Variants in PDE7B observed in about 807,000 individuals in gnomAD.
PDE7B encodes the protein 3',5'-cyclic-AMP phosphodiesterase 7B.
Under a neutral mutation model 56.2 loss-of-function variants are expected in PDE7B, and 29 were observed. The observed-to-expected ratio is 0.52, with a 90% confidence interval of 0.38 to 0.70. The LOEUF is 0.70. Among genes scored for constraint, PDE7B ranks in the 30% least tolerant of loss-of-function variants. The probability of loss-of-function intolerance (pLI) is 0.00; values close to 1 mark genes in which losing one functional copy is unlikely to be tolerated. For missense variants in PDE7B, 490 were observed against 565.0 expected (o/e 0.87, Z 1.35); for synonymous variants, 197 against 196.9 (o/e 1.00, Z 0.00).
At position 136,121,312 on chromosome 6, in the gene PDE7B, C is replaced by A. The variant is rs866019281; in HGVS notation, c.166+12498C>A. 3.3e-5 allele frequency among the ~76,000 whole-genome samples: 5 copies of A among 152,330 alleles called. No individual in the cohort carries two copies. The South Asian group carries it at 1.0e-3, about 32-fold the overall frequency. Reference sequence around the variant, plus strand: ...GTAGAAGCCCAGTATCCCCTTCCCTCTCCTACCTACCATTTTTCGACAATT... The same window carrying A: ...GTAGAAGCCCAGTATCCCCTTCCCTATCCTACCTACCATTTTTCGACAATT... On this transcript the variant is annotated intron_variant, in intron 3 of 12. Coordinates refer to ENST00000308191, the MANE Select transcript of PDE7B (RefSeq NM_018945.4).
chr6:136,176,578 A>G (rs1020736502), intron 9 of PDE7B, among the ~76,000 whole-genome samples: 2 of 152,160 alleles, frequency 1.3e-5, no homozygotes, highest in South Asian at 2.1e-4. Flanking sequence ...ATTATTGTAA[A>G]TAACAATAGA....
chr6:135,879,728 A>G (rs1451126368), intron 1 of PDE7B, among the ~76,000 whole-genome samples: 5 of 152,182 alleles, frequency 3.3e-5, no homozygotes, highest in Non-Finnish European at 5.9e-5. Context: ...TAAGAATGAT[A>G]TGAAGACCAG....
chr6:136,174,989 G>C (rs144171153), intron 9 of PDE7B, among the ~76,000 whole-genome samples: 1 of 152,126 alleles, frequency 6.6e-6, no homozygotes, highest in Non-Finnish European at 1.5e-5. Context: ...AGACAAGGAA[G>C]AAAGAAGGAG....
intron 3 of PDE7B, among the ~76,000 whole-genome samples, chr6:136,122,049 G>A (rs749338367): frequency 2.0e-5 from 3 of 151,792 alleles, no homozygotes; most frequent in South Asian, 2.1e-4. Flanking sequence ...AGGCTGGAGC[G>A]CAGTGGTGTG....
chr6:136,042,009 A>C (rs1776422552), intron 2 of PDE7B, among the ~76,000 whole-genome samples: 1 of 152,226 alleles, frequency 6.6e-6, no homozygotes, highest in Non-Finnish European at 1.5e-5. Flanking sequence ...TAGATGGGGC[A>C]AAATGAGAAC....
In PDE7B at chr6:136,165,907, G is replaced by C. The variant is rs570779647; in HGVS notation, c.712-7890G>C. On this transcript the variant is annotated intron_variant, in intron 8 of 12. Transcript: ENST00000308191. The stretch of plus-strand genomic sequence containing the variant: ...TGAGGTTCTGTGAGTAAGGAAGAAA[G>C]GAAATCAGAAAAATGGGATGAACAA... Among the ~76,000 whole-genome samples the C allele has an allele frequency of 5.3e-3, 809 of 152,236 alleles. 12 individuals are homozygous for C. Among genetic ancestry groups the C allele is most frequent in the African/African-American group, 0.017 (711 of 41,548 alleles).
intron 1 of PDE7B, among the ~76,000 whole-genome samples, chr6:135,909,030 A>C (rs1776164941): frequency 6.6e-6 from 1 of 152,238 alleles, no homozygotes; most frequent in African/African-American, 2.4e-5. Flanking sequence ...TTAAGTTATC[A>C]AAGTGAACTT....
chr6:136,142,740 TAA>T (rs1453902400), intron 3 of PDE7B, among the ~76,000 whole-genome samples: 2 of 152,226 alleles, frequency 1.3e-5, no homozygotes, highest in African/African-American at 2.4e-5. Context: ...TTTGCTGGTT[TAA>T]AGTCTTTTTT....
At position 136,147,358 on chromosome 6, in the gene PDE7B, A is replaced by G; in HGVS notation, c.174A>G (p.Thr58=). ...CTTGATGACTTTCCACAGGTACAACATACTCAGGGGAGATTGGCACCAAGA... is the reference window on the plus strand; with the variant it reads ...CTTGATGACTTTCCACAGGTACAACGTACTCAGGGGAGATTGGCACCAAGA... ...FIDFRLLNST[T]YSGEIGTKKK... is the part of the protein sequence containing the mutation. The change falls in exon 4 of 13, where the codon ACA becomes ACG. Residue 58 remains threonine, a synonymous_variant. Coordinates refer to ENST00000308191, the MANE Select transcript of PDE7B (RefSeq NM_018945.4). The G allele has an allele frequency of 1.2e-6, 2 of 1,611,186 alleles. No homozygotes were observed. The highest frequency in any genetic ancestry group is 1.7e-6 in the Non-Finnish European group (2 of 1,177,664).
At chr6:136,166,493 CT>C in intron 8 of PDE7B, 1 of 156,656 alleles carries the variant, frequency 6.4e-6, no homozygotes, top group Non-Finnish European at 1.4e-5. Flanking sequence ...CTGGGGAGAC[CT>C]TAGGAAATTT....
chr6:136,185,177 C>T (rs759449306), intron 11 of PDE7B, among the ~76,000 whole-genome samples: 2 of 152,078 alleles, frequency 1.3e-5, no homozygotes, highest in Admixed American at 6.6e-5. Flanking sequence ...AGGTTAAGCC[C>T]GAATGATTTC....
At chr6:136,043,235 A>T (rs921080632) in intron 2 of PDE7B, among the ~76,000 whole-genome samples, 1 of 152,204 alleles carries the variant, frequency 6.6e-6, no homozygotes, top group Non-Finnish European at 1.5e-5. Context: ...TTAAATGTGA[A>T]TGCAAATTGA....
chr6:135,991,692 A>G (rs1775482151), intron 2 of PDE7B, among the ~76,000 whole-genome samples: 1 of 152,200 alleles, frequency 6.6e-6, no homozygotes, highest in Non-Finnish European at 1.5e-5. Context: ...CTTTTTAGTC[A>G]TGCATAAAAA....
intron 2 of PDE7B, among the ~76,000 whole-genome samples, chr6:136,048,141 A>G (rs759006462): frequency 4.6e-5 from 7 of 151,396 alleles, no homozygotes; most frequent in Non-Finnish European, 1.0e-4. Flanking sequence ...AATATACTAA[A>G]TGTGCATACA....
intron 12 of PDE7B, 59 bp downstream of exon 12, chr6:136,187,175 AC>A (rs956035048): frequency 2.5e-4 from 219 of 869,016 alleles, no homozygotes; most frequent in Admixed American, 1.0e-4. Flanking sequence ...CACAAAAGTG[AC>A]AAAGAAAAGA....
chr6:136,039,634 T>C (rs1002331024), intron 2 of PDE7B, among the ~76,000 whole-genome samples: 1 of 152,006 alleles, frequency 6.6e-6, no homozygotes, highest in African/African-American at 2.4e-5. Flanking sequence ...AAAGAAAAGA[T>C]TTAAAAGGGA....
chr6:136,173,945 T>C, intron 9 of PDE7B, 57 bp downstream of exon 9: 2 of 1,260,986 alleles, frequency 1.6e-6, no homozygotes, highest in Non-Finnish European at 2.3e-6. Context: ...TAAGCCACTT[T>C]CTCTAGGGCA....
intron 8 of PDE7B, among the ~76,000 whole-genome samples, chr6:136,171,416 G>C (rs967982118): frequency 6.6e-6 from 1 of 152,142 alleles, no homozygotes; most frequent in African/African-American, 2.4e-5. Flanking sequence ...TATCAAATCA[G>C]AACCATAATG....
intron 2 of PDE7B, among the ~76,000 whole-genome samples, chr6:136,003,665 C>A (rs946389524): frequency 6.6e-6 from 1 of 152,186 alleles, no homozygotes; most frequent in Admixed American, 6.5e-5. Flanking sequence ...GAGGTTGAAT[C>A]TCTGAATAGA....
Sources: allele counts gnomAD v4.1 joint callset (sites outside exome capture counted in the v4.1 genomes callset), GRCh38; gene constraint gnomAD v4.1.1; transcripts MANE v1.5; gene names NCBI Gene and HGNC (gene_info 2026-07-23, HGNC 2026-07-21).